CAB39L: variants seen among roughly 807,000 people sequenced by gnomAD.
CAB39L encodes calcium-binding protein 39-like.
A neutral mutation model predicts 39.1 loss-of-function variants in CAB39L; 23 were observed. That is an observed-to-expected ratio of 0.59 (90% CI 0.42 to 0.83). The LOEUF (loss-of-function observed/expected upper bound fraction) is 0.83. Among genes scored for constraint, CAB39L ranks in the 40% least tolerant of loss-of-function variants. CAB39L has a pLI of 0.00. For missense variants in CAB39L, 366 were observed against 391.9 expected, an observed-to-expected ratio of 0.93 and a Z score of 0.56; for synonymous variants, 126 against 137.2, an observed-to-expected ratio of 0.92 and a Z score of 0.57.
chr13:49,423,227 G>C (rs768375917), intron 3 of CAB39L, among the ~76,000 whole-genome samples: 1 of 152,210 alleles, frequency 6.6e-6, no homozygotes, highest in Non-Finnish European at 1.5e-5. Context: ...AATAAATCTA[G>C]GGCAGGTGAG....
At chr13:49,358,406 G>T (rs550544264) in intron 6 of CAB39L, among the ~76,000 whole-genome samples, 1 of 152,116 alleles carries the variant, frequency 6.6e-6, no homozygotes, top group Non-Finnish European at 1.5e-5. Flanking sequence ...CTATCATCTA[G>T]TTTATCTTGT....
intron 3 of CAB39L, among the ~76,000 whole-genome samples, chr13:49,399,438 T>C (rs1284387608): frequency 6.6e-6 from 1 of 152,096 alleles, no homozygotes; most frequent in Admixed American, 6.6e-5. Context: ...TAATATCTTA[T>C]CCAACATAAT....
intron 3 of CAB39L, among the ~76,000 whole-genome samples, chr13:49,402,268 G>C (rs1057069985): frequency 6.6e-6 from 1 of 152,132 alleles, no homozygotes; most frequent in Non-Finnish European, 1.5e-5. Flanking sequence ...ATAGAGTAAA[G>C]TATCTTAAAA....
chr13:49,316,768 G>A (rs1436940553), intron 10 of CAB39L, among the ~76,000 whole-genome samples: 1 of 152,206 alleles, frequency 6.6e-6, no homozygotes, highest in Non-Finnish European at 1.5e-5. Context: ...CTGTGAGCGT[G>A]ATTTTATTTG....
At position 49,310,684 on chromosome 13, in the gene CAB39L, A is replaced by T. The variant is rs1953956924; in HGVS notation, c.*130T>A. 2.4e-6 allele frequency: 2 copies of T among 838,296 alleles called. No individual in the cohort carries two copies. The highest frequency in any genetic ancestry group is 3.8e-4 in the Middle Eastern group (1 of 2,650). 51.9% of individuals were successfully genotyped at this position (838,296 alleles called of 1,614,324 possible). Reference sequence around the variant, plus strand: ...CCATTCAAATGTTTATACTCCATCTACCCAGAACAATTACAGCAGAAAAAA... The same window carrying T: ...CCATTCAAATGTTTATACTCCATCTTCCCAGAACAATTACAGCAGAAAAAA... On this transcript the variant is annotated 3_prime_UTR_variant, in exon 11 of 11. Coordinates refer to ENST00000409308, the MANE Select transcript of CAB39L (RefSeq NM_001079670.3).
rs377056390 is a variant in CAB39L at position 49,382,924 on chromosome 13, T to C, written c.-14A>G. 5.9e-5 allele frequency: 86 copies of C among 1,460,514 alleles called. No individual in the cohort carries two copies. In the African/African-American group the frequency reaches 1.0e-3, roughly 18 times the overall value. 90.5% of individuals were successfully genotyped at this position (1,460,514 alleles called of 1,614,324 possible). The stretch of plus-strand genomic sequence containing the variant: ...CATTTTTTTCATGTGTAGAAATCTC[T>C]TCTTCCAATATGGAATGCTAAAAAC... On this transcript the variant is annotated 5_prime_UTR_variant, in exon 4 of 11. Coordinates refer to ENST00000409308, the MANE Select transcript of CAB39L (RefSeq NM_001079670.3).
chr13:49,330,082 G>A (rs1002751454), intron 10 of CAB39L, among the ~76,000 whole-genome samples: 1 of 152,132 alleles, frequency 6.6e-6, no homozygotes, highest in Non-Finnish European at 1.5e-5. Flanking sequence ...CCCAGCCATC[G>A]TTGAGACGAT....
At chr13:49,365,028 T>C (rs1955736481) in intron 5 of CAB39L, among the ~76,000 whole-genome samples, 1 of 152,038 alleles carries the variant, frequency 6.6e-6, no homozygotes. Flanking sequence ...AGAAATCACA[T>C]GACTTGACTT....
intron 3 of CAB39L, among the ~76,000 whole-genome samples, chr13:49,387,233 A>G (rs924028364): frequency 6.6e-6 from 1 of 152,184 alleles, no homozygotes. Context: ...TCCTATCATG[A>G]TAAAGATAAA....
intron 3 of CAB39L, among the ~76,000 whole-genome samples, chr13:49,405,915 GA>G (rs1368579298): frequency 6.6e-6 from 1 of 152,080 alleles, no homozygotes; most frequent in Non-Finnish European, 1.5e-5. Flanking sequence ...GGCACAGAAA[GA>G]CAAACTTCAC....
intron 6 of CAB39L, among the ~76,000 whole-genome samples, chr13:49,357,218 C>T (rs942945371): frequency 1.3e-5 from 2 of 152,252 alleles, no homozygotes; most frequent in South Asian, 2.1e-4. Flanking sequence ...AGTGTCAGAT[C>T]TGCATGGAAA....
chr13:49,381,219 C>T (rs1206161447), intron 4 of CAB39L, among the ~76,000 whole-genome samples: 3 of 152,192 alleles, frequency 2.0e-5, no homozygotes, highest in East Asian at 1.9e-4. Flanking sequence ...TGAGCCACTG[C>T]GCCTGGCTGA....
rs1955325040 is a variant in CAB39L, at chr13:49,350,830, G to A, written c.478C>T (p.Leu160Phe). The A allele has an allele frequency of 1.2e-6, 2 of 1,612,268 alleles. No homozygotes were observed. Among genetic ancestry groups the A allele is most frequent in the African/African-American group, 1.3e-5 (1 of 75,000 alleles). Residue 160 changes from leucine to phenylalanine, a missense_variant, in exon 7 of 11, where the codon CTC (leucine) becomes TTC (phenylalanine). Physicochemically the swap from Leu to Phe is conservative, Grantham distance 22 (BLOSUM62 0). Transcript: ENST00000409308. The part of the protein sequence containing the change: ...IRHEPLAKII[L>F]FSNQFRDFFK... ...AAATCTCTGAATTGATTAGAAAAGA[G>A]GATGATTTTGGCAAGTGGTTCATGT...
At chr13:49,355,911 C>A (rs555289513) in intron 6 of CAB39L, among the ~76,000 whole-genome samples, 2 of 152,094 alleles carry the variant, frequency 1.3e-5, no homozygotes, top group Non-Finnish European at 2.9e-5. Flanking sequence ...ATTTATTCTG[C>A]CTCTCTGGTA....
At chr13:49,318,122 A>G (rs1369463420) in intron 10 of CAB39L, among the ~76,000 whole-genome samples, 1 of 152,056 alleles carries the variant, frequency 6.6e-6, no homozygotes, top group African/African-American at 2.4e-5. Flanking sequence ...AAACAAAAAC[A>G]AAAAACTCTG....
At chr13:49,414,548 T>C (rs1957048571) in intron 3 of CAB39L, among the ~76,000 whole-genome samples, 1 of 152,168 alleles carries the variant, frequency 6.6e-6, no homozygotes, top group African/African-American at 2.4e-5. Context: ...TAGAATATTA[T>C]AGACATATAA....
chr13:49,441,844 G>T (rs1957530652), intron 1 of CAB39L, among the ~76,000 whole-genome samples: 1 of 152,052 alleles, frequency 6.6e-6, no homozygotes, highest in South Asian at 2.1e-4. Context: ...TGCTGACAAG[G>T]ATGAAAAACT....
intron 3 of CAB39L, among the ~76,000 whole-genome samples, chr13:49,390,185 C>T (rs1468277225): frequency 6.6e-6 from 1 of 152,130 alleles, no homozygotes; most frequent in African/African-American, 2.4e-5. Context: ...CCACACCTGA[C>T]CCATACTAGC....
At chr13:49,396,589 T>C (rs1956635626) in intron 3 of CAB39L, among the ~76,000 whole-genome samples, 2 of 151,902 alleles carry the variant, frequency 1.3e-5, no homozygotes. Context: ...GCGCCTGTAA[T>C]CCCAGCTACT....
Sources: gnomAD v4.1 joint callset for allele counts (sites outside exome capture counted in the v4.1 genomes callset) on GRCh38, gnomAD v4.1.1 for gene constraint, MANE v1.5 for transcripts, NCBI Gene and HGNC (gene_info 2026-07-23, HGNC 2026-07-21) for gene names.